The following AFAP1 variants were observed in gnomAD, a reference collection of about 807,000 sequenced individuals.
AFAP1 encodes the protein actin filament associated protein 1.
A neutral mutation model predicts 93.9 loss-of-function variants in AFAP1; 75 were observed. The observed-to-expected ratio is 0.80, with a 90% confidence interval of 0.66 to 0.97. The LOEUF (loss-of-function observed/expected upper bound fraction) is 0.97, where lower values mean the gene tolerates loss of function less well. Among genes scored for constraint, AFAP1 ranks in the 50% least tolerant of loss-of-function variants. The probability of loss-of-function intolerance (pLI) is 0.00; values close to 1 mark genes in which losing one functional copy is unlikely to be tolerated. For missense variants in AFAP1, 1,201 were observed against 1,050.8 expected (o/e 1.14, Z -1.98); for synonymous variants, 517 against 430.7 (o/e 1.20, Z -2.48).
At chr4:7,850,996 A>G (rs989043717) in intron 4 of AFAP1, among the ~76,000 whole-genome samples, 1 of 136,554 alleles carries the variant, frequency 7.3e-6, no homozygotes, top group South Asian at 2.6e-4. Context: ...CTAATCTAGA[A>G]TAAGTCTTCT....
chr4:7,835,460 T>G (rs1289194920), intron 6 of AFAP1, among the ~76,000 whole-genome samples: 8 of 86,644 alleles, frequency 9.2e-5, no homozygotes, highest in African/African-American at 1.1e-4. Flanking sequence ...GACTGTGGGC[T>G]GCCTTAAGGT....
intron 1 of AFAP1, among the ~76,000 whole-genome samples, chr4:7,912,426 G>T (rs980879283): frequency 1.3e-5 from 2 of 152,210 alleles, no homozygotes; most frequent in Non-Finnish European, 2.9e-5. Context: ...CCAGCCAAGT[G>T]TGAGTGATTC....
In AFAP1 at chr4:7,917,715, A is replaced by G. The variant is rs547503976; in HGVS notation, c.-3+21941T>C. 2.6e-5 allele frequency among the ~76,000 whole-genome samples: 4 copies of G among 152,268 alleles called. No individual in the cohort carries two copies. In the East Asian group the frequency reaches 7.7e-4, roughly 29 times the overall value. The stretch of plus-strand genomic sequence containing the variant: ...TCCAATGGCCCAAAACTTAGAGATA[A>G]AATGTCTATTGTGATCACATCAATC... On this transcript the variant is annotated intron_variant, in intron 1 of 17. Coordinates refer to ENST00000420658, the MANE Select transcript of AFAP1 (RefSeq NM_001134647.2).
At chr4:7,786,172 A>G (rs16841246) in intron 12 of AFAP1, 22 bp downstream of exon 12, 160,785 of 1,600,558 alleles carry the variant, frequency 0.1, 12,683 homozygotes, top group East Asian at 0.47. Flanking sequence ...ACCAACCATT[A>G]CTCCAAAAAA....
At chr4:7,868,538 G>A (rs183344857) in intron 3 of AFAP1, 84 bp downstream of exon 3, 18 of 1,188,840 alleles carry the variant, frequency 1.5e-5, no homozygotes, top group South Asian at 4.2e-5. Flanking sequence ...CTTCCACACC[G>A]GGCTTCCATC....
At chr4:7,822,243 G>A (rs988265580) in intron 6 of AFAP1, among the ~76,000 whole-genome samples, 2 of 152,166 alleles carry the variant, frequency 1.3e-5, no homozygotes, top group African/African-American at 4.8e-5. Flanking sequence ...TGCTGTTTAT[G>A]TGAAGCTGAG....
intron 1 of AFAP1, among the ~76,000 whole-genome samples, chr4:7,879,801 G>A (rs1397480025): frequency 6.6e-6 from 1 of 150,890 alleles, no homozygotes; most frequent in Non-Finnish European, 1.5e-5. Context: ...AAACAGCTGG[G>A]ACTGCAGGCA....
chr4:7,821,285 G>A (rs1479374533), intron 6 of AFAP1, among the ~76,000 whole-genome samples: 1 of 152,206 alleles, frequency 6.6e-6, no homozygotes, highest in Admixed American at 6.5e-5. Context: ...TATGGAAGAA[G>A]TCTAAGCCAG....
In AFAP1 at chr4:7,758,801, C is replaced by A. The variant is rs574542719; in HGVS notation, c.*4964G>T. On this transcript the variant is annotated 3_prime_UTR_variant, in exon 18 of 18. Coordinates refer to ENST00000420658, the MANE Select transcript of AFAP1 (RefSeq NM_001134647.2). ...CCACGTGAAACAGTAGAAAATTCAA[C>A]CAGGAAAGCAGGAAATTCAGTGAAG... 7.9e-5 allele frequency: 12 copies of A among 152,332 alleles called. No homozygotes were observed. Among genetic ancestry groups the A allele is most frequent in the African/African-American group, 2.9e-4 (12 of 41,570 alleles). The allele number at this position is 152,332 out of a possible 1,614,324, so 9.4% of individuals were successfully genotyped here.
chr4:7,893,371 G>C (rs1718583068), intron 1 of AFAP1, among the ~76,000 whole-genome samples: 2 of 152,074 alleles, frequency 1.3e-5, no homozygotes, highest in Non-Finnish European at 2.9e-5. Context: ...ACGACGTTAG[G>C]AGATCCAGAC....
At chr4:7,815,737 T>A (rs1163852206) in intron 8 of AFAP1, among the ~76,000 whole-genome samples, 2 of 152,184 alleles carry the variant, frequency 1.3e-5, no homozygotes, top group African/African-American at 4.8e-5. Flanking sequence ...AATAACCAGC[T>A]GTGAGTCATA....
At chr4:7,794,859 A>G (rs1397676942) in intron 10 of AFAP1, among the ~76,000 whole-genome samples, 1 of 152,188 alleles carries the variant, frequency 6.6e-6, no homozygotes, top group Non-Finnish European at 1.5e-5. Context: ...TTAGAAAATC[A>G]GTTACATTTT....
Position 7,793,853 on chromosome 4 carries a change from T to A in AFAP1, c.1267-27A>T, listed in dbSNP as rs377428531. 19 of 1,488,562 alleles carry A rather than the reference T, an allele frequency of 1.3e-5. No homozygotes were observed. The African/African-American group carries it at 1.8e-4, about 14-fold the overall frequency. 92.2% of individuals were successfully genotyped at this position (1,488,562 alleles called of 1,614,324 possible). On this transcript the variant is annotated intron_variant, in intron 10 of 17. Transcript: ENST00000420658. Reference sequence around the variant, plus strand: ...TGTTGAAGTGGGAAAAAAGGTAGGCTGTATTTAACTAAAGATTTTTACATT... The same window carrying A: ...TGTTGAAGTGGGAAAAAAGGTAGGCAGTATTTAACTAAAGATTTTTACATT...
chr4:7,855,348 A>G (rs536897153), intron 4 of AFAP1, 118 bp downstream of exon 4: 1 of 750,124 alleles, frequency 1.3e-6, no homozygotes, highest in East Asian at 2.7e-5. Context: ...TTCAAAAAGT[A>G]CTTGGCCCAC....
Position 7,759,941 on chromosome 4 carries a change from A to G in AFAP1, c.*3824T>C, listed in dbSNP as rs1217431559. 1 of 152,280 alleles carries G rather than the reference A, an allele frequency of 6.6e-6. No individual in the cohort carries two copies. The highest frequency in any genetic ancestry group is 1.5e-5 in the Non-Finnish European group (1 of 68,056). 9.4% of individuals were successfully genotyped at this position (152,280 alleles called of 1,614,324 possible). Reference sequence around the variant, plus strand: ...AATGACATCAGTTCCGTGCATGAACACAGCACCTCACCTGGGTGGCAAAGT... The same window carrying G: ...AATGACATCAGTTCCGTGCATGAACGCAGCACCTCACCTGGGTGGCAAAGT... On this transcript the variant is annotated 3_prime_UTR_variant, in exon 18 of 18. Transcript: ENST00000420658.
At chr4:7,838,789 G>A in intron 5 of AFAP1, 86 bp from the exon 6 acceptor site, 1 of 1,467,292 alleles carries the variant, frequency 6.8e-7, no homozygotes, top group Non-Finnish European at 9.3e-7. Flanking sequence ...GAAAACCTGA[G>A]TGCGGGCAAG....
chr4:7,840,582 G>C (rs1215286755), intron 5 of AFAP1, among the ~76,000 whole-genome samples: 2 of 152,180 alleles, frequency 1.3e-5, no homozygotes, highest in Non-Finnish European at 2.9e-5. Context: ...AAAGTGCTGG[G>C]ATTACAGGCC....
intron 8 of AFAP1, among the ~76,000 whole-genome samples, chr4:7,812,971 C>G (rs955320942): frequency 6.6e-6 from 1 of 152,158 alleles, no homozygotes; most frequent in African/African-American, 2.4e-5. Flanking sequence ...CTTCTCAGCC[C>G]ACACTCCTCA....
At chr4:7,833,726 C>A (rs1711911990) in intron 6 of AFAP1, among the ~76,000 whole-genome samples, 1 of 151,646 alleles carries the variant, frequency 6.6e-6, no homozygotes, top group Non-Finnish European at 1.5e-5. Flanking sequence ...GCAGCTGGGA[C>A]TACAGGCACG....
Sources: gnomAD v4.1 joint callset for allele counts (sites outside exome capture counted in the v4.1 genomes callset) on GRCh38, gnomAD v4.1.1 for gene constraint, MANE v1.5 for transcripts, NCBI Gene and HGNC (gene_info 2026-07-23, HGNC 2026-07-21) for gene names.